USH2A: variants seen among roughly 807,000 people sequenced by gnomAD.
USH2A encodes Usher syndrome 2A (autosomal recessive, mild).
USH2A carries 443 observed loss-of-function variants against 538.9 expected under a neutral mutation model. That is an observed-to-expected ratio of 0.82 (90% CI 0.76 to 0.89). USH2A has a LOEUF of 0.89. Ranked by LOEUF, USH2A falls within the 40% of genes least tolerant of loss-of-function variation. The pLI is 0.00. For missense variants in USH2A, 6,633 were observed against 6,324.8 expected (o/e 1.05, Z -1.65); for synonymous variants, 2,413 against 2,273.5 (o/e 1.06, Z -1.75).
intron 13 of USH2A, 92 bp downstream of exon 13, chr1:216,246,493 T>C: frequency 1.3e-6 from 2 of 1,554,332 alleles, no homozygotes; most frequent in East Asian, 2.3e-5. Context: ...ATAAAATTTG[T>C]AGAAGCCACA....
At chr1:216,005,799 A>C (rs956783606) in intron 32 of USH2A, among the ~76,000 whole-genome samples, 2 of 152,136 alleles carry the variant, frequency 1.3e-5, no homozygotes, top group African/African-American at 4.8e-5. Context: ...AATAAAAACA[A>C]AACAGGAGAT....
intron 64 of USH2A, among the ~76,000 whole-genome samples, chr1:215,669,741 A>G (rs770198366): frequency 1.3e-5 from 2 of 152,200 alleles, no homozygotes; most frequent in Non-Finnish European, 2.9e-5. Context: ...TATTTTTCCA[A>G]ACCATTCGAG....
In USH2A at chr1:216,194,570, T is replaced by A. The variant is rs1411341820; in HGVS notation, c.4251+1983A>T. ...GGTAGGTATGCAGAGGTAAGACATA[T>A]GTGTTCTAGAAAGTGAGACAGCAAT... On this transcript the variant is annotated intron_variant, in intron 19 of 71. Transcript: ENST00000307340. 2.0e-5 allele frequency among the ~76,000 whole-genome samples: 3 copies of A among 152,062 alleles called. No homozygotes were observed. In the East Asian group the frequency reaches 5.8e-4, roughly 29 times the overall value.
chr1:215,947,169 G>A (rs1666780573), intron 37 of USH2A, among the ~76,000 whole-genome samples: 1 of 151,766 alleles, frequency 6.6e-6, no homozygotes, highest in Non-Finnish European at 1.5e-5. Context: ...AGCCTCCTGA[G>A]TAGCTGAGAG....
In USH2A at chr1:215,934,602, T is replaced by G. The variant is rs541755841; in HGVS notation, c.7300+14A>C. On this transcript the variant is annotated intron_variant, in intron 38 of 71. Coordinates refer to ENST00000307340, the MANE Select transcript of USH2A (RefSeq NM_206933.4). Reference sequence around the variant, plus strand: ...TTATATAAAATTAGATAGCCAACATTTGCATAGACTTACCTCCTGGAGGCA... The same window carrying G: ...TTATATAAAATTAGATAGCCAACATGTGCATAGACTTACCTCCTGGAGGCA... 1 of 1,610,454 alleles carries G rather than the reference T, an allele frequency of 6.2e-7. No individual in the cohort carries two copies. The highest frequency in any genetic ancestry group is 1.3e-5 in the African/African-American group (1 of 74,890).
chr1:215,719,118 A>G (rs1659578475), intron 61 of USH2A, among the ~76,000 whole-genome samples: 2 of 152,146 alleles, frequency 1.3e-5, no homozygotes, highest in African/African-American at 4.8e-5. Flanking sequence ...GGCAGAATCC[A>G]TTTGTATGAT....
At chr1:215,734,555 G>A (rs1660100227) in intron 60 of USH2A, among the ~76,000 whole-genome samples, 1 of 152,140 alleles carries the variant, frequency 6.6e-6, no homozygotes, top group Admixed American at 6.5e-5. Context: ...CTGAACTTTT[G>A]CTCTCTGCTT....
intron 64 of USH2A, among the ~76,000 whole-genome samples, chr1:215,653,043 G>A (rs1657130275): frequency 6.6e-6 from 1 of 152,188 alleles, no homozygotes; most frequent in Non-Finnish European, 1.5e-5. Flanking sequence ...ATAATTCATA[G>A]CAAGTGCTCA....
At chr1:216,176,623 T>G (rs2034389506) in intron 20 of USH2A, among the ~76,000 whole-genome samples, 1 of 152,148 alleles carries the variant, frequency 6.6e-6, no homozygotes, top group Admixed American at 6.6e-5. Context: ...TCTCTGGGTT[T>G]GGACAAATGT....
At position 215,623,749 on chromosome 1, in the gene USH2A, T is replaced by C. The variant is rs145388343; in HGVS notation, c.*2032A>G. ...AGATAAAATCCCCTGCAGTTCTGTA[T>C]TTTTTTGTGCGTTGTTAAAATTTTA... On this transcript the variant is annotated 3_prime_UTR_variant, in exon 72 of 72. Transcript: ENST00000307340. The C allele has an allele frequency of 1.3e-5, 2 of 152,220 alleles. No homozygotes were observed. Among genetic ancestry groups the C allele is most frequent in the East Asian group, 3.9e-4 (2 of 5,182 alleles). The allele number at this position is 152,220 out of a possible 1,614,324, so 9.4% of individuals were successfully genotyped here.
At chr1:216,316,482 C>T (rs971442242) in intron 9 of USH2A, among the ~76,000 whole-genome samples, 2 of 152,024 alleles carry the variant, frequency 1.3e-5, no homozygotes, top group Non-Finnish European at 2.9e-5. Flanking sequence ...AAAGTGATGT[C>T]GCCCATGTAT....
At chr1:215,787,192 T>C (rs1661826714) in intron 51 of USH2A, among the ~76,000 whole-genome samples, 1 of 152,212 alleles carries the variant, frequency 6.6e-6, no homozygotes, top group Admixed American at 6.5e-5. Context: ...CCAAGGTTTG[T>C]TGTGTGACTC....
At chr1:216,338,017 G>A (rs1365992161) in intron 4 of USH2A, among the ~76,000 whole-genome samples, 1 of 150,886 alleles carries the variant, frequency 6.6e-6, no homozygotes. Context: ...CATAAAAGAA[G>A]ATCTAAATAA....
Position 215,850,252 on chromosome 1 carries a change from G to GA in USH2A, c.8846-4220dup, listed in dbSNP as rs200381644. On this transcript the variant is annotated intron_variant, in intron 44 of 71. Transcript: ENST00000307340. Reference sequence around the variant, plus strand: ...TATTACATATAAAATAGAATGGCATGAAAAAACAGAGAAAGACATTAGTAA... The same window carrying GA: ...TATTACATATAAAATAGAATGGCATGAAAAAAACAGAGAAAGACATTAGTAA... 8.2e-3 allele frequency among the ~76,000 whole-genome samples: 1,246 copies of GA among 152,080 alleles called. 14 individuals are homozygous for GA. The highest frequency in any genetic ancestry group is 0.029 in the African/African-American group (1,199 of 41,496).
rs1423885374 is a variant in USH2A, at chr1:215,934,869, T to C, written c.7121-74A>G. ...TTCCTGCTATTATTTGAGTATTTTC[T>C]TGAGTTTCTAAATATACTGTACCAA... is the stretch of plus-strand genomic sequence containing the variant. On this transcript the variant is annotated intron_variant, in intron 37 of 71. Transcript: ENST00000307340. 6 of 1,413,156 alleles carry C rather than the reference T, an allele frequency of 4.2e-6. No individual in the cohort carries two copies. In the East Asian group the frequency reaches 1.5e-4, roughly 35 times the overall value. 87.5% of individuals were successfully genotyped at this position (1,413,156 alleles called of 1,614,324 possible). A position where few individuals can be genotyped will look rare whatever the true frequency, so the allele number is the denominator to read the frequency against.
chr1:215,999,358 A>G (rs1319362894), intron 33 of USH2A, among the ~76,000 whole-genome samples: 1 of 152,170 alleles, frequency 6.6e-6, no homozygotes, highest in African/African-American at 2.4e-5. Flanking sequence ...AAACTTCAGA[A>G]GCAGAACTTC....
At chr1:216,386,742 C>G (rs1455110068) in intron 3 of USH2A, among the ~76,000 whole-genome samples, 1 of 150,770 alleles carries the variant, frequency 6.6e-6, no homozygotes, top group Non-Finnish European at 1.5e-5. Flanking sequence ...GTAGTCCCAG[C>G]CACTCGGGAG....
At chr1:215,994,620 G>C (rs1490057864) in intron 34 of USH2A, among the ~76,000 whole-genome samples, 1 of 152,054 alleles carries the variant, frequency 6.6e-6, no homozygotes, top group Non-Finnish European at 1.5e-5. Flanking sequence ...ATTGCATTAA[G>C]ATTGGGTACC....
intron 21 of USH2A, among the ~76,000 whole-genome samples, chr1:216,164,824 A>G (rs1259838953): frequency 6.6e-6 from 1 of 152,178 alleles, no homozygotes; most frequent in Non-Finnish European, 1.5e-5. Context: ...CCAGAATTAC[A>G]GAATGCTGGT....
Sources: gnomAD v4.1 joint callset for allele counts (sites outside exome capture counted in the v4.1 genomes callset) on GRCh38, gnomAD v4.1.1 for gene constraint, MANE v1.5 for transcripts, NCBI Gene and HGNC (gene_info 2026-07-23, HGNC 2026-07-21) for gene names.